The following TENM3 variants were observed in gnomAD, a reference collection of about 807,000 sequenced individuals.
The protein encoded by TENM3 is teneurin transmembrane protein 3.
In TENM3, 63 loss-of-function variants were observed where a neutral mutation model predicts 255.1. That is an observed-to-expected ratio of 0.25 (90% CI 0.20 to 0.30). The LOEUF is 0.30. TENM3 is among the 10% of genes least tolerant of loss of function. TENM3 has a pLI of 1.00. For missense variants in TENM3, 2,929 were observed against 3,461.1 expected, an observed-to-expected ratio of 0.85 and a Z score of 3.86; for synonymous variants, 1,306 against 1,322.3, an observed-to-expected ratio of 0.99 and a Z score of 0.27.
At chr4:181,580,414 C>T in the TENM3 span, among the ~76,000 whole-genome samples, 1 of 152,182 alleles carries the variant, frequency 6.6e-6, no homozygotes, top group Non-Finnish European at 1.5e-5. Context: ...TGGAGCCCAG[C>T]AGCTCCTCTC....
At chr4:182,729,502 GA>G (rs1413538625) in intron 14 of TENM3, among the ~76,000 whole-genome samples, 6 of 151,840 alleles carry the variant, frequency 4.0e-5, no homozygotes, top group Non-Finnish European at 8.8e-5. Flanking sequence ...AGGCAGAACA[GA>G]AGTGCACTTT....
chr4:182,484,324 A>T (rs11132132), intron 3 of TENM3, among the ~76,000 whole-genome samples: 2 of 151,986 alleles, frequency 1.3e-5, no homozygotes, highest in Admixed American at 1.3e-4. Context: ...ATTTGAACCC[A>T]GGCAGTGTGG....
chr4:182,437,785 G>A (rs893194606), intron 3 of TENM3, among the ~76,000 whole-genome samples: 11 of 143,498 alleles, frequency 7.7e-5, no homozygotes, highest in African/African-American at 2.1e-4. Flanking sequence ...ATGACAGAGC[G>A]AGACTCCGTC....
chr4:181,857,938 G>T, the TENM3 span, among the ~76,000 whole-genome samples: 1 of 152,192 alleles, frequency 6.6e-6, no homozygotes, highest in South Asian at 2.1e-4. Flanking sequence ...CTGCTAGGCA[G>T]TTGTAACCAG....
At chr4:182,204,960 T>C (rs907467553) in intron 1 of TENM3, among the ~76,000 whole-genome samples, 1 of 152,212 alleles carries the variant, frequency 6.6e-6, no homozygotes, top group Non-Finnish European at 1.5e-5. Flanking sequence ...CCCAGCAAGC[T>C]TTGTGACTTT....
At chr4:182,475,748 A>T (rs1733632698) in intron 3 of TENM3, among the ~76,000 whole-genome samples, 1 of 152,194 alleles carries the variant, frequency 6.6e-6, no homozygotes, top group Admixed American at 6.5e-5. Context: ...TTCATCAGAC[A>T]TTTTACCTTT....
chr4:182,079,721 G>C, the TENM3 span: 3 of 152,364 alleles, frequency 2.0e-5, no homozygotes, highest in Non-Finnish European at 4.4e-5. Context: ...TTGTCCAGCA[G>C]TAGTGCAGAG....
At chr4:182,472,439 T>C (rs1293503317) in intron 3 of TENM3, among the ~76,000 whole-genome samples, 2 of 152,208 alleles carry the variant, frequency 1.3e-5, no homozygotes, top group Admixed American at 6.5e-5. Flanking sequence ...TCTAGACATT[T>C]TGATTTTTAC....
intron 3 of TENM3, among the ~76,000 whole-genome samples, chr4:182,534,920 C>A (rs1740145801): frequency 6.6e-6 from 1 of 152,188 alleles, no homozygotes; most frequent in African/African-American, 2.4e-5. Flanking sequence ...CAAAATGGAT[C>A]TTTTTTCCTC....
chr4:182,790,975 A>T, intron 25 of TENM3, among the ~76,000 whole-genome samples: 1 of 152,118 alleles, frequency 6.6e-6, no homozygotes, highest in East Asian at 1.9e-4. Context: ...GTCTCTCCCA[A>T]AACCCATCAA....
chr4:181,893,400 A>G, the TENM3 span, among the ~76,000 whole-genome samples: 57 of 152,066 alleles, frequency 3.7e-4, 1 homozygote, highest in South Asian at 0.011. Flanking sequence ...TAATGTTAAC[A>G]TTATGATAAT....
intron 1 of TENM3, among the ~76,000 whole-genome samples, chr4:182,280,089 T>C (rs1760273828): frequency 6.6e-6 from 1 of 152,164 alleles, no homozygotes; most frequent in Non-Finnish European, 1.5e-5. Flanking sequence ...ACCAGGTTCA[T>C]GCAGTGAGAA....
the TENM3 span, among the ~76,000 whole-genome samples, chr4:182,131,695 A>G: frequency 6.6e-6 from 1 of 152,328 alleles, no homozygotes; most frequent in East Asian, 1.9e-4. Context: ...CAGAATACAC[A>G]AGGGGTCAAT....
intron 3 of TENM3, among the ~76,000 whole-genome samples, chr4:182,440,363 C>A (rs950226021): frequency 6.6e-6 from 1 of 152,092 alleles, no homozygotes; most frequent in Non-Finnish European, 1.5e-5. Context: ...CCACCCGCCT[C>A]GGCCTCCCAA....
the TENM3 span, chr4:181,834,945 A>G: frequency 6.6e-6 from 1 of 152,334 alleles, no homozygotes; most frequent in African/African-American, 2.4e-5. Context: ...GGAGTTCTGT[A>G]ATATATTTTT....
chr4:182,571,853 C>T (rs1320942638), intron 3 of TENM3, among the ~76,000 whole-genome samples: 1 of 152,132 alleles, frequency 6.6e-6, no homozygotes, highest in East Asian at 1.9e-4. Context: ...GAAACAAAAA[C>T]CAAAGACCAC....
chr4:182,103,545 T>C, the TENM3 span, among the ~76,000 whole-genome samples: 1 of 152,204 alleles, frequency 6.6e-6, no homozygotes, highest in Non-Finnish European at 1.5e-5. Context: ...ATGGCTCACC[T>C]ACATCTTCAC....
chr4:182,170,882 GT>G (rs1386995209), intron 1 of TENM3, among the ~76,000 whole-genome samples: 4 of 151,836 alleles, frequency 2.6e-5, no homozygotes, highest in Non-Finnish European at 5.9e-5. Flanking sequence ...TTTTAAGTGA[GT>G]TTTTTTTCTT....
the TENM3 span, among the ~76,000 whole-genome samples, chr4:181,676,476 G>T: frequency 1.3e-5 from 2 of 152,080 alleles, no homozygotes; most frequent in Non-Finnish European, 2.9e-5. Flanking sequence ...CTGTCACCCA[G>T]GTAGTGGGTA....
Sources: gnomAD v4.1 joint callset for allele counts (sites outside exome capture counted in the v4.1 genomes callset) on GRCh38, gnomAD v4.1.1 for gene constraint, MANE v1.5 for transcripts, NCBI Gene and HGNC (gene_info 2026-07-23, HGNC 2026-07-21) for gene names.